NOTCH2: variants seen among roughly 807,000 people sequenced by gnomAD.
NOTCH2 encodes the protein notch receptor 2, also known as neurogenic locus notch homolog protein 2.
NOTCH2 carries 29 observed loss-of-function variants against 235.8 expected under a neutral mutation model. The ratio of observed to expected loss-of-function variants is 0.12; its 90% CI spans 0.09 to 0.17. The LOEUF (loss-of-function observed/expected upper bound fraction) is 0.17, where lower values mean the gene tolerates loss of function less well. NOTCH2 is among the 10% of genes least tolerant of loss of function. NOTCH2 has a pLI of 1.00. For missense variants in NOTCH2, 2,285 were observed against 3,150.2 expected (o/e 0.73, Z 6.57); for synonymous variants, 1,086 against 1,141.5 (o/e 0.95, Z 0.98).
chr1:119,976,275 T>A (rs1016000738), intron 5 of NOTCH2: 7 of 152,070 alleles, frequency 4.6e-5, no homozygotes, highest in African/African-American at 1.5e-4. Context: ...GGGACTTCTA[T>A]CCTACAAAAC....
chr1:119,937,970 T>G lies in NOTCH2; in HGVS notation c.3224A>C (p.Lys1075Thr), dbSNP rs2101100097. The G allele has an allele frequency of 6.2e-7, 1 of 1,614,218 alleles. No individual in the cohort carries two copies. Among genetic ancestry groups the G allele is most frequent in the Non-Finnish European group, 8.5e-7 (1 of 1,180,038 alleles). Reference sequence around the variant, plus strand: ...TGCTTTTTTCTGAACGCAAGTACCTTTGTTTTTACATGGAGACCGACTGCA... The same window carrying G: ...TGCTTTTTTCTGAACGCAAGTACCTGTGTTTTTACATGGAGACCGACTGCA... ...NLCSRSPCKN[K>T]GTCVQKKAES... Residue 1075 changes from lysine to threonine, a missense_variant, in exon 20 of 34, where the codon AAA (lysine) becomes ACA (threonine). Lys to Thr is a moderately conservative substitution (Grantham distance 78, BLOSUM62 -1). Transcript: ENST00000256646.
Position 119,953,683 on chromosome 1 carries a change from T to C in NOTCH2, c.2225A>G (p.Lys742Arg), listed in dbSNP as rs782074318. ...AACCCAGCCTGCATCACAGAGACAC[T>C]TATATCTGAAAGAAGACAAAACTTT... ...GNCTGGLSGY[K>R]CLCDAGWVGI... Residue 742 changes from lysine to arginine, a missense_variant, in exon 14 of 34, where the codon AAG (lysine) becomes AGG (arginine). Coordinates refer to ENST00000256646, the MANE Select transcript of NOTCH2 (RefSeq NM_024408.4). 2 of 1,614,090 alleles carry C rather than the reference T, an allele frequency of 1.2e-6. No individual in the cohort carries two copies. Among genetic ancestry groups the C allele is most frequent in the Non-Finnish European group, 1.7e-6 (2 of 1,179,958 alleles).
At position 119,940,660 on chromosome 1, in the gene NOTCH2, G is replaced by T. The variant is rs782543877; in HGVS notation, c.3078C>A (p.Ile1026=). The T allele has an allele frequency of 1.9e-6, 3 of 1,614,170 alleles. No individual in the cohort carries two copies. The highest frequency in any genetic ancestry group is 2.5e-6 in the Non-Finnish European group (3 of 1,180,018). ...GFTGSFCLHE[I]NECSSHPCLN... ...GGCATGGATGAGAGCTGCATTCATT[G>T]ATCTCATGGAGGCAGAAGGATCCAG... is the stretch of plus-strand genomic sequence containing the variant. Residue 1026 remains isoleucine (I), a synonymous_variant, in exon 19 of 34, where the codon ATC becomes ATA. Transcript: ENST00000256646.
At chr1:119,999,959 GAAAGAAAGAAAGAAAGA>G (rs1557840153) in intron 3 of NOTCH2, among the ~76,000 whole-genome samples, 32 of 129,414 alleles carry the variant, frequency 2.5e-4, no homozygotes, top group African/African-American at 3.3e-4. Context: ...AAGAAAGAAA[GAAAGAAAGAAAGAAAGA>G]AAGGAAGGAA....
rs587713310 is a variant in NOTCH2, at chr1:119,915,328, T to C, written c.7394A>G (p.Asn2465Ser). ...CTCTCACGCATAAACCTGCATGTTG[T>C]TGTGTGGTGGCTCAGACATGTGTGT... is the stretch of plus-strand genomic sequence containing the variant. ...PGTHMSEPPH[N>S]NMQVYA Residue 2465 changes from asparagine to serine, a missense_variant, in exon 34 of 34, where the codon AAC becomes AGC. Transcript: ENST00000256646. The C allele has an allele frequency of 1.9e-6, 3 of 1,613,716 alleles. No homozygotes were observed. The highest frequency in any genetic ancestry group is 2.7e-5 in the African/African-American group (2 of 75,026).
intron 11 of NOTCH2, 41 bp downstream of exon 11, chr1:119,963,533 C>T (rs1651023633): frequency 6.6e-7 from 1 of 1,513,024 alleles, no homozygotes; most frequent in Non-Finnish European, 9.2e-7. Flanking sequence ...ATTTGAGAAA[C>T]AGTGAAAACC....
chr1:119,981,701 G>A (rs967737720), intron 5 of NOTCH2, among the ~76,000 whole-genome samples: 1 of 152,134 alleles, frequency 6.6e-6, no homozygotes, highest in South Asian at 2.1e-4. Flanking sequence ...GGGCAAGGGT[G>A]CTTCAGGTTA....
At chr1:119,924,309 C>G (rs1649390076) in intron 25 of NOTCH2, among the ~76,000 whole-genome samples, 1 of 152,216 alleles carries the variant, frequency 6.6e-6, no homozygotes, top group Non-Finnish European at 1.5e-5. Flanking sequence ...GTTCATGCTT[C>G]CTCTACTTTA....
chr1:119,948,647 G>A (rs1650346382), intron 16 of NOTCH2, 81 bp from the exon 17 acceptor site: 4 of 1,501,954 alleles, frequency 2.7e-6, no homozygotes, highest in African/African-American at 2.7e-5. Context: ...GAGCTTAGTT[G>A]GGGTGCATGG....
chr1:119,922,061 A>G (rs1273789899), intron 28 of NOTCH2, among the ~76,000 whole-genome samples, 175 bp downstream of exon 28: 1 of 152,322 alleles, frequency 6.6e-6, no homozygotes, highest in East Asian at 1.9e-4. Flanking sequence ...TATACACAGA[A>G]TAGATGCACC....
intron 5 of NOTCH2, among the ~76,000 whole-genome samples, chr1:119,975,838 T>G (rs1438434132): frequency 6.6e-6 from 1 of 152,072 alleles, no homozygotes; most frequent in East Asian, 1.9e-4. Context: ...AACAGCTCAT[T>G]ATGGCTCTCT....
chr1:120,015,068 C>T (rs868969546), intron 2 of NOTCH2, among the ~76,000 whole-genome samples: 1 of 150,684 alleles, frequency 6.6e-6, no homozygotes, highest in Non-Finnish European at 1.5e-5. Flanking sequence ...CAAAATCCCA[C>T]CACATACAAG....
In NOTCH2 at chr1:119,913,111, T is replaced by G. The variant is rs1261415242; in HGVS notation, c.*2195A>C. The stretch of plus-strand genomic sequence containing the variant: ...CATGCAGATAGGTTCTCCCCATCTG[T>G]GAATAATAAATGGGTCCAAGGGCAG... On this transcript the variant is annotated 3_prime_UTR_variant, in exon 34 of 34. Transcript: ENST00000256646. 4.3e-6 allele frequency: 1 copy of G among 233,068 alleles called. No individual in the cohort carries two copies. Among genetic ancestry groups the G allele is most frequent in the Admixed American group, 5.6e-5 (1 of 17,762 alleles). 14.4% of individuals were successfully genotyped at this position (233,068 alleles called of 1,614,324 possible). A position where few individuals can be genotyped will look rare whatever the true frequency, so the allele number is the denominator to read the frequency against.
chr1:119,950,864 A>G (rs1553197726), intron 14 of NOTCH2, 27 bp from the exon 15 acceptor site: 1 of 1,419,486 alleles, frequency 7.0e-7, no homozygotes, highest in South Asian at 1.1e-5. Flanking sequence ...AAAACCAAAA[A>G]CAGTAAAACT....
intron 19 of NOTCH2, among the ~76,000 whole-genome samples, chr1:119,938,538 C>T (rs888664844): frequency 6.6e-5 from 10 of 152,332 alleles, no homozygotes; most frequent in African/African-American, 2.4e-4. Context: ...CCGTCAGCAC[C>T]TCTTACCACC....
intron 3 of NOTCH2, among the ~76,000 whole-genome samples, chr1:119,999,801 G>A (rs1205924072): frequency 1.3e-4 from 19 of 151,968 alleles, no homozygotes; most frequent in East Asian, 9.6e-4. Flanking sequence ...AGAATCACTC[G>A]AACCCAAGAG....
At chr1:119,967,948 G>T in intron 7 of NOTCH2, 129 bp downstream of exon 7, 1 of 1,009,140 alleles carries the variant, frequency 9.9e-7, no homozygotes, top group Non-Finnish European at 1.5e-6. Context: ...GTAAACACTG[G>T]CCATGTAGCA....
At chr1:120,053,743 G>A (rs1655049246) in intron 1 of NOTCH2, among the ~76,000 whole-genome samples, 1 of 132,554 alleles carries the variant, frequency 7.5e-6, no homozygotes. Flanking sequence ...ATGTTCCCAG[G>A]CTATATATTC....
In NOTCH2 at chr1:119,937,213, A is replaced by G. The variant is rs1277634293; in HGVS notation, c.3522+69T>C. 1.9e-5 allele frequency: 27 copies of G among 1,454,250 alleles called. No individual in the cohort carries two copies. In the East Asian group the frequency reaches 4.8e-4, roughly 26 times the overall value. The allele number at this position is 1,454,250 out of a possible 1,614,324, so 90.1% of individuals were successfully genotyped here. On this transcript the variant is annotated intron_variant, in intron 21 of 33. Transcript: ENST00000256646. ...TAAGATACAAGCAGCTAAATTCAAT[A>G]TATCAGTGCTCAAACAGTTGTACAA...
Sources: allele counts gnomAD v4.1 joint callset (sites outside exome capture counted in the v4.1 genomes callset), GRCh38; gene constraint gnomAD v4.1.1; transcripts MANE v1.5; gene names NCBI Gene and HGNC (gene_info 2026-07-23, HGNC 2026-07-21).